SHANK2: variants seen among roughly 807,000 people sequenced by gnomAD.
SHANK2 encodes SH3 and multiple ankyrin repeat domains protein 2.
SHANK2 carries 43 observed loss-of-function variants against 133.7 expected under a neutral mutation model. That is an observed-to-expected ratio of 0.32 (90% confidence interval 0.25 to 0.41). The LOEUF is 0.41. Ranked by LOEUF, SHANK2 falls within the 10% of genes least tolerant of loss-of-function variation. SHANK2 has a pLI of 1.00. For missense variants in SHANK2, 1,994 were observed against 2,235.8 expected, an observed-to-expected ratio of 0.89 and a Z score of 2.18; for synonymous variants, 1,017 against 952.8, an observed-to-expected ratio of 1.07 and a Z score of -1.24.
At chr11:71,205,314 T>C (rs1555117826) in intron 2 of SHANK2, among the ~76,000 whole-genome samples, 1 of 152,206 alleles carries the variant, frequency 6.6e-6, no homozygotes, top group African/African-American at 2.4e-5. Flanking sequence ...CTGGTGGTCA[T>C]GCCTCTCTCT....
At chr11:70,515,310 A>T (rs2059250039) in intron 17 of SHANK2, among the ~76,000 whole-genome samples, 1 of 152,210 alleles carries the variant, frequency 6.6e-6, no homozygotes, top group South Asian at 2.1e-4. Flanking sequence ...AAGTGCTGGG[A>T]CTACAGGCAT....
intron 2 of SHANK2, among the ~76,000 whole-genome samples, chr11:71,189,897 A>G (rs782602724): frequency 6.6e-6 from 1 of 152,248 alleles, no homozygotes; most frequent in Non-Finnish European, 1.5e-5. Flanking sequence ...AAGCCCCAGC[A>G]TCTGGGGGAG....
intron 17 of SHANK2, among the ~76,000 whole-genome samples, chr11:70,583,960 C>G (rs998809574): frequency 2.0e-5 from 3 of 152,232 alleles, no homozygotes; most frequent in Admixed American, 2.0e-4. Flanking sequence ...AGCTGCACAG[C>G]CCTCCTGCTT....
At chr11:70,491,749 A>G (rs1192697060) in intron 22 of SHANK2, among the ~76,000 whole-genome samples, 1 of 152,204 alleles carries the variant, frequency 6.6e-6, no homozygotes, top group Non-Finnish European at 1.5e-5. Flanking sequence ...GCCTGGGGGA[A>G]TCAGCAGCCT....
In SHANK2 at chr11:71,085,696, ATAT is replaced by A. The variant is rs1472141256; in HGVS notation, c.912+6723_912+6725del. On this transcript the variant is annotated intron_variant, in intron 8 of 25. Transcript: ENST00000601538. ...TTATATATATAATATAATATATAAC[ATAT>A]TATATGTTATATATATTATATTATA... 7.1e-4 allele frequency among the ~76,000 whole-genome samples: 29 copies of A among 41,126 alleles called. No homozygotes were observed. The South Asian group carries it at 0.011, about 16-fold the overall frequency. The allele number at this position is 41,126 out of a possible 152,430, so 27.0% of individuals were successfully genotyped here. A position where few individuals can be genotyped will look rare whatever the true frequency, so the allele number is the denominator to read the frequency against.
chr11:70,696,766 A>G (rs557442407), intron 15 of SHANK2, among the ~76,000 whole-genome samples: 39 of 152,322 alleles, frequency 2.6e-4, no homozygotes, highest in African/African-American at 8.7e-4. Flanking sequence ...AACTGAGTCC[A>G]ATGAGCAATT....
At chr11:70,588,278 T>C (rs1554987273) in intron 17 of SHANK2, among the ~76,000 whole-genome samples, 1 of 152,186 alleles carries the variant, frequency 6.6e-6, no homozygotes, top group Non-Finnish European at 1.5e-5. Context: ...ACTGCTCAAG[T>C]GAAAGGAAGA....
At chr11:70,785,830 C>T (rs1025731131) in intron 14 of SHANK2, among the ~76,000 whole-genome samples, 5 of 152,164 alleles carry the variant, frequency 3.3e-5, no homozygotes, top group Admixed American at 1.3e-4. Flanking sequence ...AAACAAAAGC[C>T]GAGATTAATT....
intron 14 of SHANK2, among the ~76,000 whole-genome samples, chr11:70,741,611 C>T (rs947814703): frequency 6.6e-6 from 1 of 152,168 alleles, no homozygotes; most frequent in Non-Finnish European, 1.5e-5. Flanking sequence ...CCTGTGTGTC[C>T]TCCCCAGGCC....
chr11:70,572,671 G>A (rs1259296840), intron 17 of SHANK2, among the ~76,000 whole-genome samples: 1 of 152,178 alleles, frequency 6.6e-6, no homozygotes, highest in African/African-American at 2.4e-5. Context: ...CCCAACATCA[G>A]GGGTCTCCAG....
At chr11:71,067,352 G>C (rs1464385606) in intron 9 of SHANK2, among the ~76,000 whole-genome samples, 1 of 152,208 alleles carries the variant, frequency 6.6e-6, no homozygotes, top group East Asian at 1.9e-4. Context: ...GCCTAGCCTA[G>C]TAACCTTTGA....
At chr11:71,126,156 T>C (rs1466091454) in intron 3 of SHANK2, among the ~76,000 whole-genome samples, 1 of 127,110 alleles carries the variant, frequency 7.9e-6, no homozygotes, top group Non-Finnish European at 1.6e-5. Context: ...AACAGGATGT[T>C]GCAGTGAGCC....
At chr11:70,852,931 G>A (rs1949110649) in intron 11 of SHANK2, among the ~76,000 whole-genome samples, 1 of 152,216 alleles carries the variant, frequency 6.6e-6, no homozygotes. Flanking sequence ...GCAAGGCCTT[G>A]AGTCTCCACA....
Position 71,092,531 on chromosome 11 carries a change from A to T in SHANK2, c.803T>A (p.Leu268Gln). The change falls in exon 8 of 26, where the codon CTG (leucine) becomes CAG (glutamine). Residue 268 changes from leucine to glutamine, a missense_variant. Leu to Gln is a moderately radical substitution (Grantham distance 113). Transcript: ENST00000601538. ...DYKDSYGLTP[L>Q]YHTAIVGGDP... ...ACCTCCGACGATGGCTGTGTGATACAGCGGGGTGAGGCCGTAACTGTCTTT... is the reference window on the plus strand; with the variant it reads ...ACCTCCGACGATGGCTGTGTGATACTGCGGGGTGAGGCCGTAACTGTCTTT... 1 of 1,551,894 alleles carries T rather than the reference A, an allele frequency of 6.4e-7. No homozygotes were observed. Among genetic ancestry groups the T allele is most frequent in the Non-Finnish European group, 8.7e-7 (1 of 1,147,028 alleles).
intron 14 of SHANK2, among the ~76,000 whole-genome samples, chr11:70,771,952 G>A (rs1423416266): frequency 6.6e-6 from 1 of 152,198 alleles, no homozygotes; most frequent in Non-Finnish European, 1.5e-5. Flanking sequence ...AGGCAGCAAA[G>A]CTCTGAGGTC....
chr11:70,501,229 C>T (rs1489511202), intron 20 of SHANK2, among the ~76,000 whole-genome samples: 3 of 152,252 alleles, frequency 2.0e-5, no homozygotes, highest in Admixed American at 2.0e-4. Flanking sequence ...GCCCCAGAAC[C>T]TCGTGAGAAG....
At chr11:70,593,120 G>A (rs2060349110) in intron 17 of SHANK2, among the ~76,000 whole-genome samples, 1 of 152,214 alleles carries the variant, frequency 6.6e-6, no homozygotes, top group East Asian at 1.9e-4. Context: ...AGTCCTCCCA[G>A]CACCATTTCC....
chr11:70,497,099 A>AGAGT (rs1491138243), intron 21 of SHANK2: 4 of 452,728 alleles, frequency 8.8e-6, no homozygotes, highest in Admixed American at 4.7e-5. Context: ...TTTTTAAGTT[A>AGAGT]GAGTTAGTGT....
chr11:71,150,992 C>T (rs1159987107), intron 2 of SHANK2, among the ~76,000 whole-genome samples: 1 of 152,116 alleles, frequency 6.6e-6, no homozygotes, highest in Non-Finnish European at 1.5e-5. Flanking sequence ...GAGCCCACTC[C>T]ACCCACCTGG....
Sources: allele counts gnomAD v4.1 joint callset (sites outside exome capture counted in the v4.1 genomes callset), GRCh38; gene constraint gnomAD v4.1.1; transcripts MANE v1.5; gene names NCBI Gene and HGNC (gene_info 2026-07-23, HGNC 2026-07-21).